NRP2: variants seen among roughly 807,000 people sequenced by gnomAD.
The protein encoded by NRP2 is neuropilin-2.
Under a neutral mutation model 110.4 loss-of-function variants are expected in NRP2, and 52 were observed. The ratio of observed to expected loss-of-function variants is 0.47; its 90% CI spans 0.38 to 0.59. The LOEUF is 0.59. Ranked by LOEUF, NRP2 falls within the 20% of genes least tolerant of loss-of-function variation. NRP2 has a pLI of 0.00. For missense variants in NRP2, 1,049 were observed against 1,203.0 expected, an observed-to-expected ratio of 0.87 and a Z score of 1.89; for synonymous variants, 508 against 468.9, an observed-to-expected ratio of 1.08 and a Z score of -1.08.
intron 14 of NRP2, 22 bp downstream of exon 14, chr2:205,765,592 C>T: frequency 1.3e-6 from 2 of 1,591,894 alleles, no homozygotes; most frequent in Non-Finnish European, 1.7e-6. Flanking sequence ...TCTGTCTCTT[C>T]ATGGTTCTTT....
intron 15 of NRP2, among the ~76,000 whole-genome samples, chr2:205,774,259 T>G (rs1021046865): frequency 1.3e-5 from 2 of 152,198 alleles, no homozygotes; most frequent in African/African-American, 4.8e-5. Flanking sequence ...TTGCTTTCTC[T>G]TCCTCTCTTT....
In NRP2 at chr2:205,716,265, C is replaced by T. The variant is rs764171906; in HGVS notation, c.324C>T (p.Ile108=). 21 of 1,614,176 alleles carry T rather than the reference C, an allele frequency of 1.3e-5. No individual in the cohort carries two copies. The highest frequency in any genetic ancestry group is 6.6e-5 in the South Asian group (6 of 91,084). The change falls in exon 3 of 17, where the codon ATC becomes ATT. Residue 108 remains isoleucine, a synonymous_variant. Transcript: ENST00000357785. ...ADLLGKHCGN[I]APPTIISSGS... is the part of the protein sequence containing the mutation. ...TCCTGGGCAAACACTGTGGGAACAT[C>T]GCCCCGCCCACCATCATCTCCTCGG...
At chr2:205,684,934 A>G (rs2056109338) in intron 1 of NRP2, among the ~76,000 whole-genome samples, 1 of 152,214 alleles carries the variant, frequency 6.6e-6, no homozygotes, top group South Asian at 2.1e-4. Flanking sequence ...GGACTCCAGT[A>G]GGCCCCAGCG....
chr2:205,738,316 C>G (rs1237988934), intron 7 of NRP2, among the ~76,000 whole-genome samples: 3 of 152,028 alleles, frequency 2.0e-5, no homozygotes, highest in Non-Finnish European at 4.4e-5. Flanking sequence ...CAGTGGAGGC[C>G]CCCCTGCTGC....
In NRP2 at chr2:205,795,391, TATTTTA is replaced by T. The variant is rs2058344130; in HGVS notation, c.*334_*339del. The T allele has an allele frequency of 1.3e-5, 2 of 149,066 alleles. No individual in the cohort carries two copies. The highest frequency in any genetic ancestry group is 4.9e-5 in the African/African-American group (2 of 40,720). The allele number at this position is 149,066 out of a possible 1,614,324, so 9.2% of individuals were successfully genotyped here. Reference sequence around the variant, plus strand: ...ATTATTATTATTATTATTATTATTATATTTTATTTCTTTGGTCTGTGAGCAACTCAA... The same window carrying T: ...ATTATTATTATTATTATTATTATTATTTTCTTTGGTCTGTGAGCAACTCAA... On this transcript the variant is annotated 3_prime_UTR_variant, in exon 17 of 17. Coordinates refer to ENST00000357785, the MANE Select transcript of NRP2 (RefSeq NM_003872.3).
chr2:205,684,004 A>C (rs944265303), intron 1 of NRP2, among the ~76,000 whole-genome samples: 8 of 152,188 alleles, frequency 5.3e-5, no homozygotes, highest in Non-Finnish European at 1.0e-4. Flanking sequence ...GTTGTCTGGG[A>C]AAGTAAATCG....
intron 1 of NRP2, among the ~76,000 whole-genome samples, chr2:205,696,119 G>A (rs550535157): frequency 6.6e-6 from 1 of 152,344 alleles, no homozygotes; most frequent in Non-Finnish European, 1.5e-5. Flanking sequence ...ATGCCGAAAA[G>A]GCTACTTGTG....
intron 3 of NRP2, among the ~76,000 whole-genome samples, chr2:205,720,829 A>T (rs957814222): frequency 1.3e-5 from 2 of 152,186 alleles, no homozygotes. Flanking sequence ...CTAGCTGCCC[A>T]TTGAAAACTC....
chr2:205,696,891 C>CA (rs1368650406), intron 1 of NRP2, among the ~76,000 whole-genome samples: 1 of 152,112 alleles, frequency 6.6e-6, no homozygotes, highest in Non-Finnish European at 1.5e-5. Flanking sequence ...AATAATAAAT[C>CA]AAATTTGTGG....
chr2:205,713,461 C>A (rs1217627302), intron 2 of NRP2, among the ~76,000 whole-genome samples: 1 of 152,168 alleles, frequency 6.6e-6, no homozygotes, highest in African/African-American at 2.4e-5. Context: ...TAAATCATGA[C>A]AGCTGGATTC....
chr2:205,716,042 G>C (rs1308559783), intron 2 of NRP2, 151 bp from the exon 3 acceptor site: 2 of 837,318 alleles, frequency 2.4e-6, no homozygotes, highest in Non-Finnish European at 2.0e-6. Flanking sequence ...CTGTTTGCCA[G>C]TCTGTACAAG....
At chr2:205,710,436 C>T (rs2105777702) in intron 2 of NRP2, among the ~76,000 whole-genome samples, 1 of 152,348 alleles carries the variant, frequency 6.6e-6, no homozygotes, top group South Asian at 2.1e-4. Flanking sequence ...AATCAATGGC[C>T]TGGCCCATAG....
intron 15 of NRP2, among the ~76,000 whole-genome samples, chr2:205,789,000 C>G (rs2058268013): frequency 2.0e-5 from 3 of 152,090 alleles, no homozygotes; most frequent in Admixed American, 6.6e-5. Context: ...AGCATGAAAC[C>G]CCAAATTTCA....
intron 3 of NRP2, chr2:205,722,184 C>T (rs1405984550): frequency 1.0e-4 from 45 of 449,566 alleles, no homozygotes; most frequent in African/African-American, 2.2e-4. Flanking sequence ...CACACACACA[C>T]ACACACACAC....
At chr2:205,708,315 A>C (rs951919340) in intron 2 of NRP2, among the ~76,000 whole-genome samples, 4 of 152,194 alleles carry the variant, frequency 2.6e-5, no homozygotes, top group Admixed American at 6.5e-5. Context: ...TGTTTCATCC[A>C]AGTGGCCTCC....
chr2:205,773,677 A>G (rs1172206960), intron 15 of NRP2, among the ~76,000 whole-genome samples: 2 of 152,216 alleles, frequency 1.3e-5, no homozygotes, highest in Non-Finnish European at 2.9e-5. Context: ...GTGCCCTAAC[A>G]TTGTCTCTTA....
In NRP2 at chr2:205,740,589, T is replaced by C; in HGVS notation, c.1217T>C (p.Phe406Ser). ...NKLHAPLLTR[F>S]VRIRPQTWHS... ...CTCCACGCTCCACTGCTGACAAGGT[T>C]TGTTAGAATCCGCCCTCAGACCTGG... Residue 406 changes from phenylalanine to serine, a missense_variant, in exon 8 of 17, where the codon TTT (phenylalanine) becomes TCT (serine). Phe to Ser is a radical substitution (Grantham distance 155, BLOSUM62 -2). Transcript: ENST00000357785. 1 of 1,614,212 alleles carries C rather than the reference T, an allele frequency of 6.2e-7. No homozygotes were observed. The highest frequency in any genetic ancestry group is 8.5e-7 in the Non-Finnish European group (1 of 1,180,026).
At chr2:205,794,427 C>T (rs924421349) in intron 16 of NRP2, among the ~76,000 whole-genome samples, 1 of 152,140 alleles carries the variant, frequency 6.6e-6, no homozygotes, top group African/African-American at 2.4e-5. Context: ...ATTTAAATAT[C>T]GGATACTTAG....
chr2:205,703,894 C>T (rs540072653), intron 2 of NRP2, among the ~76,000 whole-genome samples: 1 of 152,186 alleles, frequency 6.6e-6, no homozygotes, highest in South Asian at 2.1e-4. Context: ...GACACAAACC[C>T]TTTTCCCGGT....
Sources: allele counts gnomAD v4.1 joint callset (sites outside exome capture counted in the v4.1 genomes callset), GRCh38; gene constraint gnomAD v4.1.1; transcripts MANE v1.5; gene names NCBI Gene and HGNC (gene_info 2026-07-23, HGNC 2026-07-21).